ARL4C: variants seen among roughly 807,000 people sequenced by gnomAD.
ARL4C encodes the protein ARF like GTPase 4C.
ARL4C carries 5 observed loss-of-function variants against 12.8 expected under a neutral mutation model. The observed-to-expected ratio is 0.39, with a 90% CI of 0.20 to 0.82. ARL4C has a LOEUF of 0.82. Among genes scored for constraint, ARL4C ranks in the 40% least tolerant of loss-of-function variants. ARL4C has a pLI of 0.39. For synonymous variants in ARL4C, 119 were observed against 119.4 expected, an observed-to-expected ratio of 1.00 and a Z score of 0.02; for missense variants, 148 against 265.2, an observed-to-expected ratio of 0.56 and a Z score of 3.07.
Position 234,494,327 on chromosome 2 carries a change from A to G in ARL4C, c.*1479T>C, listed in dbSNP as rs575190689. The G allele has an allele frequency of 2.6e-5, 4 of 152,802 alleles. No individual in the cohort carries two copies. In the East Asian group the frequency reaches 7.7e-4, roughly 29 times the overall value. The allele number at this position is 152,802 out of a possible 1,614,324, so 9.5% of individuals were successfully genotyped here. A position where few individuals can be genotyped will look rare whatever the true frequency, so the allele number is the denominator to read the frequency against. Reference sequence around the variant, plus strand: ...CAGTCCTGATTATAAAGGATTTTTAAAATTACATTATTAAAAATATGTATT... The same window carrying G: ...CAGTCCTGATTATAAAGGATTTTTAGAATTACATTATTAAAAATATGTATT... On this transcript the variant is annotated 3_prime_UTR_variant, in exon 2 of 2. Transcript: ENST00000339728.
Position 234,495,511 on chromosome 2 carries a change from T to C in ARL4C, c.*295A>G, listed in dbSNP as rs768902565. 1.3e-4 allele frequency: 72 copies of C among 565,790 alleles called. 1 individual carries two copies. Among genetic ancestry groups the C allele is most frequent in the African/African-American group, 1.2e-3 (62 of 53,198 alleles). The allele number at this position is 565,790 out of a possible 1,614,324, so 35.0% of individuals were successfully genotyped here. ...AGAGGTGGTCCCCCCAGAACCAACA[T>C]GCCCCCCAAGGTGGGTACGCCCACG... On this transcript the variant is annotated 3_prime_UTR_variant, in exon 2 of 2. Transcript: ENST00000339728.
rs1691795828 is a variant in ARL4C, at chr2:234,496,940, C to A, written c.-354G>T. The A allele has an allele frequency of 6.7e-6, 1 of 148,996 alleles. No individual in the cohort carries two copies. Among genetic ancestry groups the A allele is most frequent in the Non-Finnish European group, 1.5e-5 (1 of 66,992 alleles). 9.2% of individuals were successfully genotyped at this position (148,996 alleles called of 1,614,324 possible). A position where few individuals can be genotyped will look rare whatever the true frequency, so the allele number is the denominator to read the frequency against. On this transcript the variant is annotated 5_prime_UTR_variant, in exon 1 of 2. Transcript: ENST00000339728. ...CTGCCCGGGCTCTCCGCTCTCCCGG[C>A]GCCCGGCGCTCGCCTCTGGCCTGGG...
chr2:234,495,603 A>T lies in ARL4C; in HGVS notation c.*203T>A. On this transcript the variant is annotated 3_prime_UTR_variant, in exon 2 of 2. Transcript: ENST00000339728. ...CCCCCAGTGGAGGCGGGGCAGCCTG[A>T]ACTTCTGGCCCTGCAGGAGTGGGAA... 1.5e-6 allele frequency: 1 copy of T among 654,770 alleles called. No homozygotes were observed. 40.6% of individuals were successfully genotyped at this position (654,770 alleles called of 1,614,324 possible). A position where few individuals can be genotyped will look rare whatever the true frequency, so the allele number is the denominator to read the frequency against.
Position 234,496,621 on chromosome 2 carries a change from G to A in ARL4C, c.-35C>T, listed in dbSNP as rs757470804. ...CTGCGGCGCCAGCCACTGCGGCTGC[G>A]GCGGGAGGGCGCCGCCCCCCGAGCA... On this transcript the variant is annotated 5_prime_UTR_variant, in exon 1 of 2. Coordinates refer to ENST00000339728, the MANE Select transcript of ARL4C (RefSeq NM_001282431.2). 2.8e-6 allele frequency: 4 copies of A among 1,421,778 alleles called. No homozygotes were observed. Among genetic ancestry groups the A allele is most frequent in the South Asian group, 3.2e-5 (2 of 62,542 alleles). 88.1% of individuals were successfully genotyped at this position (1,421,778 alleles called of 1,614,324 possible).
In ARL4C at chr2:234,496,353, C is replaced by T; in HGVS notation, c.234G>A (p.Leu78=). 6.2e-7 allele frequency: 1 copy of T among 1,613,216 alleles called. No individual in the cohort carries two copies. Among genetic ancestry groups the T allele is most frequent in the South Asian group, 1.1e-5 (1 of 90,998 alleles). Residue 78 remains leucine (L), a synonymous_variant, in exon 1 of 2, where the codon CTG becomes CTA. Transcript: ENST00000339728. ...DVGGQEKLRP[L]WKSYSRCTDG... ...CCGTGCAGCGGCTGTAGGACTTCCA[C>T]AGCGGCCGCAGCTTCTCCTGGCCGC...
chr2:234,495,495 C>T lies in ARL4C; in HGVS notation c.*311G>A. ...GCCCCTGAATGCAAGGAGAGGTGGTCCCCCCAGAACCAACATGCCCCCCAA... is the reference window on the plus strand; with the variant it reads ...GCCCCTGAATGCAAGGAGAGGTGGTTCCCCCAGAACCAACATGCCCCCCAA... On this transcript the variant is annotated 3_prime_UTR_variant, in exon 2 of 2. Coordinates refer to ENST00000339728, the MANE Select transcript of ARL4C (RefSeq NM_001282431.2). 1 of 532,442 alleles carries T rather than the reference C, an allele frequency of 1.9e-6. No individual in the cohort carries two copies. Among genetic ancestry groups the T allele is most frequent in the Non-Finnish European group, 3.4e-6 (1 of 296,050 alleles). 33.0% of individuals were successfully genotyped at this position (532,442 alleles called of 1,614,324 possible).
rs1413403452 is a variant in ARL4C, at chr2:234,493,982, T to C, written c.*1824A>G. 3 of 152,614 alleles carry C rather than the reference T, an allele frequency of 2.0e-5. No homozygotes were observed. Among genetic ancestry groups the C allele is most frequent in the Non-Finnish European group, 2.9e-5 (2 of 68,040 alleles). The allele number at this position is 152,614 out of a possible 1,614,324, so 9.5% of individuals were successfully genotyped here. On this transcript the variant is annotated 3_prime_UTR_variant, in exon 2 of 2. Transcript: ENST00000339728. ...AAAAGCAGATGGGCTGCTAGGTTTCTGCTTTTAAAAAATTTCATATAAGAA... is the reference window on the plus strand; with the variant it reads ...AAAAGCAGATGGGCTGCTAGGTTTCCGCTTTTAAAAAATTTCATATAAGAA...
Position 234,495,579 on chromosome 2 carries a change from C to A in ARL4C, c.*227G>T. 1.6e-6 allele frequency: 1 copy of A among 624,834 alleles called. No individual in the cohort carries two copies. The highest frequency in any genetic ancestry group is 2.8e-6 in the Non-Finnish European group (1 of 355,726). 38.7% of individuals were successfully genotyped at this position (624,834 alleles called of 1,614,324 possible). ...CCTCAGGTAATTCACAGGTGCGATC[C>A]CCCAGTGGAGGCGGGGCAGCCTGAA... On this transcript the variant is annotated 3_prime_UTR_variant, in exon 2 of 2. Transcript: ENST00000339728.
Position 234,496,292 on chromosome 2 carries a change from C to A in ARL4C, c.295G>T (p.Asp99Tyr). ...TCCGTCTTGGCCTCCTCCAGCCGGT[C>A]CACGTCCACCGAGTCCACCACGTAG... is the stretch of plus-strand genomic sequence containing the variant. The part of the protein sequence containing the change: ...IIYVVDSVDV[D>Y]RLEEAKTELH... The change falls in exon 1 of 2, where the codon GAC becomes TAC. Residue 99 changes from aspartate (D) to tyrosine (Y), a missense_variant. Coordinates refer to ENST00000339728, the MANE Select transcript of ARL4C (RefSeq NM_001282431.2). 1 of 1,608,918 alleles carries A rather than the reference C, an allele frequency of 6.2e-7. No homozygotes were observed. The highest frequency in any genetic ancestry group is 8.5e-7 in the Non-Finnish European group (1 of 1,177,486).
Position 234,496,249 on chromosome 2 carries a change from T to C in ARL4C, c.338A>G (p.Lys113Arg), listed in dbSNP as rs1408508752. 1 of 1,585,038 alleles carries C rather than the reference T, an allele frequency of 6.3e-7. No homozygotes were observed. Among genetic ancestry groups the C allele is most frequent in the Non-Finnish European group, 8.6e-7 (1 of 1,164,456 alleles). Residue 113 changes from lysine to arginine, a missense_variant, in exon 1 of 2, where the codon AAG (lysine) becomes AGG (arginine). Around this residue, in one of 4 missense-constraint regions of ARL4C, gnomAD observed 27 missense variants for 25.6 expected, o/e 1.06. Coordinates refer to ENST00000339728, the MANE Select transcript of ARL4C (RefSeq NM_001282431.2). ...CGGCGTGCCCTGGTTCTCGGCGAAC[T>C]TGGTCACCTTGTGCAGCTCCGTCTT... Reference protein sequence around the residue: ...EAKTELHKVTKFAENQGTPLL... With the variant: ...EAKTELHKVTRFAENQGTPLL...
chr2:234,495,977 A>G, intron 1 of ARL4C, 35 bp downstream of exon 1: 3 of 1,607,552 alleles, frequency 1.9e-6, no homozygotes, highest in Non-Finnish European at 1.7e-6. Context: ...TTCTTGACGC[A>G]CTCGCTCGCT....
At position 234,496,196 on chromosome 2, in the gene ARL4C, G is replaced by A. The variant is rs766112552; in HGVS notation, c.391C>T (p.Leu131=). ...PLLVIANKQD[L]PKSLPVAEIE... ...TCTGCCACCGGCAGCGACTTGGGCA[G>A]GTCCTGCTTGTTGGCGATGACCAGC... is the stretch of plus-strand genomic sequence containing the variant. The change falls in exon 1 of 2, where the codon CTG becomes TTG. Residue 131 remains leucine (L), a synonymous_variant. Transcript: ENST00000339728. The A allele has an allele frequency of 6.2e-7, 1 of 1,603,758 alleles. No individual in the cohort carries two copies. The highest frequency in any genetic ancestry group is 1.7e-5 in the Admixed American group (1 of 58,204).
Position 234,496,126 on chromosome 2 carries a change from G to A in ARL4C, c.461C>T (p.Thr154Ile). The change falls in exon 1 of 2, where the codon ACC becomes ATC. Residue 154 changes from threonine to isoleucine, a missense_variant. By Grantham distance (89) the Thr-to-Ile change is moderately conservative. This residue lies in a region of ARL4C where 42 missense variants were observed against 87.4 expected (regional missense o/e 0.48). Coordinates refer to ENST00000339728, the MANE Select transcript of ARL4C (RefSeq NM_001282431.2). ...LALHELIPAT[T>I]YHVQPACAII... is the part of the protein sequence containing the mutation. ...GGCGCACGCCGGCTGGACGTGATAG[G>A]TGGTGGCCGGGATAAGCTCGTGCAG... 1 of 1,613,890 alleles carries A rather than the reference G, an allele frequency of 6.2e-7. No homozygotes were observed. Among genetic ancestry groups the A allele is most frequent in the Non-Finnish European group, 8.5e-7 (1 of 1,179,972 alleles).
chr2:234,496,667 G>T lies in ARL4C; in HGVS notation c.-81C>A. 1.1e-6 allele frequency: 1 copy of T among 887,058 alleles called. No homozygotes were observed. The highest frequency in any genetic ancestry group is 1.4e-6 in the Non-Finnish European group (1 of 720,858). The allele number at this position is 887,058 out of a possible 1,614,324, so 54.9% of individuals were successfully genotyped here. On this transcript the variant is annotated 5_prime_UTR_variant, in exon 1 of 2. Transcript: ENST00000339728. Reference sequence around the variant, plus strand: ...GAGCAGTCACGGGCCCGACGCGGCCGGGCGCACCTGGGCCCCGCCCGCCGC... The same window carrying T: ...GAGCAGTCACGGGCCCGACGCGGCCTGGCGCACCTGGGCCCCGCCCGCCGC...
At position 234,495,448 on chromosome 2, in the gene ARL4C, C is replaced by T. The variant is rs941665903; in HGVS notation, c.*358G>A. The T allele has an allele frequency of 4.7e-6, 2 of 428,940 alleles. No individual in the cohort carries two copies. Among genetic ancestry groups the T allele is most frequent in the Non-Finnish European group, 8.6e-6 (2 of 232,262 alleles). 26.6% of individuals were successfully genotyped at this position (428,940 alleles called of 1,614,324 possible). A position where few individuals can be genotyped will look rare whatever the true frequency, so the allele number is the denominator to read the frequency against. On this transcript the variant is annotated 3_prime_UTR_variant, in exon 2 of 2. Transcript: ENST00000339728. Reference sequence around the variant, plus strand: ...ATTTCAACAGGGGCCTGCCCTGTGACCGAAAATTACTCAGCTTCACAGCCC... The same window carrying T: ...ATTTCAACAGGGGCCTGCCCTGTGATCGAAAATTACTCAGCTTCACAGCCC...
chr2:234,496,235 G>T lies in ARL4C; in HGVS notation c.352C>A (p.Gln118Lys). The change falls in exon 1 of 2, where the codon CAG (glutamine) becomes AAG (lysine). Residue 118 changes from glutamine to lysine, a missense_variant. Physicochemically the swap from Gln to Lys is moderately conservative, Grantham distance 53 (BLOSUM62 1). This residue lies in a region of ARL4C where 42 missense variants were observed against 87.4 expected (regional missense o/e 0.48). Transcript: ENST00000339728. ...GCGATGACCAGCAGCGGCGTGCCCTGGTTCTCGGCGAACTTGGTCACCTTG... is the reference window on the plus strand; with the variant it reads ...GCGATGACCAGCAGCGGCGTGCCCTTGTTCTCGGCGAACTTGGTCACCTTG... ...LHKVTKFAEN[Q>K]GTPLLVIANK... 1 of 1,584,838 alleles carries T rather than the reference G, an allele frequency of 6.3e-7. No homozygotes were observed. Among genetic ancestry groups the T allele is most frequent in the Non-Finnish European group, 8.6e-7 (1 of 1,164,388 alleles).
chr2:234,495,719 C>A lies in ARL4C; in HGVS notation c.*87G>T. The A allele has an allele frequency of 2.6e-6, 4 of 1,552,370 alleles. No homozygotes were observed. The highest frequency in any genetic ancestry group is 2.6e-6 in the Non-Finnish European group (3 of 1,138,714). On this transcript the variant is annotated 3_prime_UTR_variant, in exon 2 of 2. Coordinates refer to ENST00000339728, the MANE Select transcript of ARL4C (RefSeq NM_001282431.2). Reference sequence around the variant, plus strand: ...CCGGCTCTTCCACTCCCCACCGCGGCCCCCCGACCTGGTCAGTAGCTCTGG... The same window carrying A: ...CCGGCTCTTCCACTCCCCACCGCGGACCCCCGACCTGGTCAGTAGCTCTGG...
chr2:234,493,968 G>A lies in ARL4C; in HGVS notation c.*1838C>T, dbSNP rs1454017621. On this transcript the variant is annotated 3_prime_UTR_variant, in exon 2 of 2. Coordinates refer to ENST00000339728, the MANE Select transcript of ARL4C (RefSeq NM_001282431.2). The stretch of plus-strand genomic sequence containing the variant: ...ACCGACAAAAGAGAAAAAGCAGATG[G>A]GCTGCTAGGTTTCTGCTTTTAAAAA... 6.6e-6 allele frequency: 1 copy of A among 152,598 alleles called. No individual in the cohort carries two copies. The allele number at this position is 152,598 out of a possible 1,614,324, so 9.5% of individuals were successfully genotyped here.
chr2:234,494,102 T>C lies in ARL4C; in HGVS notation c.*1704A>G, dbSNP rs932011054. 1 of 151,794 alleles carries C rather than the reference T, an allele frequency of 6.6e-6. No individual in the cohort carries two copies. Among genetic ancestry groups the C allele is most frequent in the Non-Finnish European group, 1.5e-5 (1 of 67,970 alleles). The allele number at this position is 151,794 out of a possible 1,614,324, so 9.4% of individuals were successfully genotyped here. A position where few individuals can be genotyped will look rare whatever the true frequency, so the allele number is the denominator to read the frequency against. On this transcript the variant is annotated 3_prime_UTR_variant, in exon 2 of 2. Coordinates refer to ENST00000339728, the MANE Select transcript of ARL4C (RefSeq NM_001282431.2). ...AATAGGCAGGGACTCATAATTTGAC[T>C]AACTCACATGCTCAAGCATGATCGT... is the stretch of plus-strand genomic sequence containing the variant.
Sources: gnomAD v4.1 joint callset for allele counts on GRCh38, gnomAD v4.1.1 for gene constraint, gnomAD v4.1.1 regional missense constraint, MANE v1.5 for transcripts, NCBI Gene and HGNC (gene_info 2026-07-23, HGNC 2026-07-21) for gene names.